The following PABPC1 variants were observed in gnomAD, a reference collection of about 807,000 sequenced individuals.
PABPC1 encodes poly(A) binding protein cytoplasmic 1.
In PABPC1, 4 loss-of-function variants were observed where a neutral mutation model predicts 74.0. The observed-to-expected ratio is 0.05, with a 90% CI of 0.03 to 0.12. PABPC1 has a LOEUF of 0.12. Among genes scored for constraint, PABPC1 ranks in the 10% least tolerant of loss-of-function variants. PABPC1 has a pLI of 1.00. For synonymous variants in PABPC1, 227 were observed against 264.1 expected (o/e 0.86, Z 1.36); for missense variants, 271 against 821.1 (o/e 0.33, Z 8.19).
chr8:100,711,815 A>G (rs1810534404), intron 7 of PABPC1, among the ~76,000 whole-genome samples: 1 of 152,232 alleles, frequency 6.6e-6, no homozygotes, highest in Non-Finnish European at 1.5e-5. Context: ...CCCCAACCCC[A>G]GCAAAATTAT....
intron 9 of PABPC1, among the ~76,000 whole-genome samples, chr8:100,707,421 A>G (rs1810409138): frequency 6.6e-6 from 1 of 152,124 alleles, no homozygotes; most frequent in African/African-American, 2.4e-5. Context: ...AAAGAGTGTG[A>G]GTCATCTCCA....
intron 4 of PABPC1, among the ~76,000 whole-genome samples, chr8:100,714,397 G>C (rs2129726836): frequency 6.6e-6 from 1 of 152,194 alleles, no homozygotes. Flanking sequence ...TTTTGCTCTA[G>C]TGGAGGGCTT....
intron 4 of PABPC1, 29 bp from the exon 5 acceptor site, chr8:100,713,210 A>G (rs776678314): frequency 1.5e-6 from 2 of 1,302,052 alleles, no homozygotes; most frequent in Admixed American, 4.2e-5. Context: ...TAAATCAAAG[A>G]TATTCCATAC....
In PABPC1 at chr8:100,709,173, T is replaced by C; in HGVS notation, c.1296A>G (p.Arg432=). The C allele has an allele frequency of 6.2e-7, 1 of 1,614,060 alleles. No homozygotes were observed. Among genetic ancestry groups the C allele is most frequent in the Non-Finnish European group, 8.5e-7 (1 of 1,180,012 alleles). The change falls in exon 9 of 15, where the codon AGA becomes AGG. Residue 432 remains arginine (R), a synonymous_variant. Coordinates refer to ENST00000318607, the MANE Select transcript of PABPC1 (RefSeq NM_002568.4). Reference sequence around the variant, plus strand: ...CCTGAGCAGTCCAGCGAGGACTTGGTCTTAGTTGAGCAATTTGGCTAGGAG... The same window carrying C: ...CCTGAGCAGTCCAGCGAGGACTTGGCCTTAGTTGAGCAATTTGGCTAGGAG... ...YYPPSQIAQL[R]PSPRWTAQGA...
chr8:100,712,519 G>A, intron 6 of PABPC1, 62 bp from the exon 7 acceptor site: 3 of 1,452,494 alleles, frequency 2.1e-6, no homozygotes, highest in South Asian at 2.5e-5. Context: ...AGTACATCGG[G>A]TCTATTATTT....
intron 1 of PABPC1, among the ~76,000 whole-genome samples, chr8:100,719,293 CT>C (rs1266592165): frequency 1.3e-5 from 2 of 152,088 alleles, no homozygotes; most frequent in African/African-American, 4.8e-5. Context: ...TTCCGGCCAC[CT>C]CTTTTTTTAT....
intron 8 of PABPC1, 54 bp downstream of exon 8, chr8:100,709,405 A>C: frequency 5.0e-6 from 8 of 1,602,188 alleles, no homozygotes; most frequent in Non-Finnish European, 6.8e-6. Context: ...AAAAAACACT[A>C]GAAATGACCA....
rs967308569 is a variant in PABPC1, at chr8:100,716,072, A to C, written c.504-471T>G. On this transcript the variant is annotated intron_variant, in intron 3 of 14. Coordinates refer to ENST00000318607, the MANE Select transcript of PABPC1 (RefSeq NM_002568.4). ...CAGCATTTTCAACAAAATGACACTAAAACTTAATTTTTTCTGAATATAACA... is the reference window on the plus strand; with the variant it reads ...CAGCATTTTCAACAAAATGACACTACAACTTAATTTTTTCTGAATATAACA... 1.7e-4 allele frequency among the ~76,000 whole-genome samples: 26 copies of C among 152,334 alleles called. 1 individual carries two copies. The highest frequency in any genetic ancestry group is 1.4e-3 in the Admixed American group (21 of 15,292).
chr8:100,710,621 CCTTT>C (rs1233159390), intron 7 of PABPC1, among the ~76,000 whole-genome samples: 2 of 152,150 alleles, frequency 1.3e-5, no homozygotes, highest in African/African-American at 2.4e-5. Context: ...AGAGAGAAAA[CCTTT>C]CTAAGATGAC....
chr8:100,709,093 A>C (rs1318316341), intron 9 of PABPC1, 40 bp downstream of exon 9: 1 of 1,459,534 alleles, frequency 6.9e-7, no homozygotes. Flanking sequence ...TGTTATTTTT[A>C]ACTCAATCCC....
chr8:100,713,200 T>C lies in PABPC1; in HGVS notation c.644-19A>G, dbSNP rs148328735. ...GCAGGCCCTAAAAAATTTTTTTACA[T>C]AAATCAAAGATATTCCATACAACAT... On this transcript the variant is annotated intron_variant, in intron 4 of 14. Transcript: ENST00000318607. 1.4e-6 allele frequency: 2 copies of C among 1,386,198 alleles called. No homozygotes were observed. The highest frequency in any genetic ancestry group is 4.1e-5 in the Admixed American group (2 of 48,384). 85.9% of individuals were successfully genotyped at this position (1,386,198 alleles called of 1,614,324 possible).
intron 8 of PABPC1, 111 bp downstream of exon 8, chr8:100,709,348 C>A: frequency 6.8e-7 from 1 of 1,475,618 alleles, no homozygotes. Context: ...CCTACTCAAT[C>A]ATAATTCCCC....
chr8:100,713,056 C>T, intron 5 of PABPC1, 31 bp downstream of exon 5: 2 of 1,452,752 alleles, frequency 1.4e-6, no homozygotes, highest in Non-Finnish European at 1.9e-6. Flanking sequence ...ACTTTGTACC[C>T]CCTTCTTCCT....
At chr8:100,720,280 G>C (rs979589214) in intron 1 of PABPC1, among the ~76,000 whole-genome samples, 4 of 152,256 alleles carry the variant, frequency 2.6e-5, no homozygotes, top group Admixed American at 2.6e-4. Flanking sequence ...TTACAAAATT[G>C]TGTTTCTGTT....
At chr8:100,704,004 G>A (rs558185411) in intron 14 of PABPC1, 15 of 253,460 alleles carry the variant, frequency 5.9e-5, no homozygotes, top group African/African-American at 2.7e-4. Flanking sequence ...GCAGTGAGCC[G>A]AGATCGCGTC....
intron 4 of PABPC1, 74 bp downstream of exon 4, chr8:100,715,387 TA>T: frequency 7.6e-7 from 1 of 1,313,232 alleles, no homozygotes; most frequent in Non-Finnish European, 1.0e-6. Context: ...TTTTTTAGTA[TA>T]AAGTAATAGC....
intron 4 of PABPC1, among the ~76,000 whole-genome samples, chr8:100,714,898 C>T (rs1452713257): frequency 1.3e-5 from 2 of 152,160 alleles, no homozygotes; most frequent in Non-Finnish European, 2.9e-5. Context: ...CTGGTTTGTG[C>T]TTCATCAATT....
chr8:100,721,095 G>A lies in PABPC1; in HGVS notation c.193+296C>T, dbSNP rs1409572508. On this transcript the variant is annotated intron_variant, in intron 1 of 14. Transcript: ENST00000318607. This position sits in a 1 kb window ranked among gnomAD's most constrained non-coding sequence, Gnocchi z 7.4. ...GGCCACTGGCGGGAGCGCCGCGGAG[G>A]AACCGAATCTCACCCACCCTCCCGG... Among the ~76,000 whole-genome samples, 1 of 152,208 alleles carries A rather than the reference G, an allele frequency of 6.6e-6. No homozygotes were observed. The highest frequency in any genetic ancestry group is 2.4e-5 in the African/African-American group (1 of 41,450).
At chr8:100,713,053 A>ACCC (rs760959500) in intron 5 of PABPC1, 34 bp downstream of exon 5, 6 of 1,424,138 alleles carry the variant, frequency 4.2e-6, no homozygotes, top group South Asian at 1.2e-5. Flanking sequence ...TCAACTTTGT[A>ACCC]CCCCCTTCTT....
Sources: allele counts gnomAD v4.1 joint callset (sites outside exome capture counted in the v4.1 genomes callset), GRCh38; gene constraint gnomAD v4.1.1; non-coding constraint Gnocchi (gnomAD v3.1); transcripts MANE v1.5; gene names NCBI Gene and HGNC (gene_info 2026-07-23, HGNC 2026-07-21).